Variants in SLC24A2 observed in about 807,000 individuals in gnomAD.
The protein encoded by SLC24A2 is solute carrier family 24 member 2, also known as sodium/potassium/calcium exchanger 2.
SLC24A2 carries 36 observed loss-of-function variants against 62.0 expected under a neutral mutation model. The ratio of observed to expected loss-of-function variants is 0.58; its 90% confidence interval spans 0.44 to 0.77. The LOEUF (loss-of-function observed/expected upper bound fraction) is 0.77, where lower values mean the gene tolerates loss of function less well. Ranked by LOEUF, SLC24A2 falls within the 30% of genes least tolerant of loss-of-function variation. SLC24A2 has a pLI of 0.00. For missense variants in SLC24A2, 846 were observed against 817.9 expected, an observed-to-expected ratio of 1.03 and a Z score of -0.42; for synonymous variants, 358 against 294.0, an observed-to-expected ratio of 1.22 and a Z score of -2.23.
the SLC24A2 span, among the ~76,000 whole-genome samples, chr9:19,823,947 G>A: frequency 1.3e-5 from 2 of 152,180 alleles, no homozygotes; most frequent in Non-Finnish European, 2.9e-5. Flanking sequence ...AATAAATGGT[G>A]CTGGGAAAAC....
chr9:19,696,009 A>C (rs1820180829), intron 2 of SLC24A2, among the ~76,000 whole-genome samples: 1 of 152,132 alleles, frequency 6.6e-6, no homozygotes, highest in Non-Finnish European at 1.5e-5. Context: ...GCCTGTTAAG[A>C]ACCAGGCTGC....
intron 2 of SLC24A2, among the ~76,000 whole-genome samples, chr9:19,749,196 T>A (rs1002673092): frequency 6.6e-6 from 1 of 151,646 alleles, no homozygotes; most frequent in Non-Finnish European, 1.5e-5. Flanking sequence ...TCCATATCTC[T>A]TGAATCCTCA....
At chr9:19,875,711 G>GAAAT in the SLC24A2 span, among the ~76,000 whole-genome samples, 1 of 152,210 alleles carries the variant, frequency 6.6e-6, no homozygotes, top group African/African-American at 2.4e-5. Flanking sequence ...ACTACAGTGA[G>GAAAT]AAATATAGTG....
intron 2 of SLC24A2, among the ~76,000 whole-genome samples, chr9:19,642,986 C>CTT (rs71335441): frequency 2.6e-4 from 33 of 125,294 alleles, no homozygotes; most frequent in African/African-American, 8.7e-4. Context: ...GGCCAGTATT[C>CTT]TTTTTTTTTT....
At chr9:19,936,437 C>A in the SLC24A2 span, among the ~76,000 whole-genome samples, 1 of 152,078 alleles carries the variant, frequency 6.6e-6, no homozygotes, top group Non-Finnish European at 1.5e-5. Flanking sequence ...CCATGCTTGG[C>A]TAATTTTTGT....
the SLC24A2 span, among the ~76,000 whole-genome samples, chr9:20,096,829 T>G: frequency 6.6e-6 from 1 of 152,352 alleles, no homozygotes; most frequent in Admixed American, 6.5e-5. Context: ...TGTTGTTTTG[T>G]TTCATTTTGT....
intron 2 of SLC24A2, among the ~76,000 whole-genome samples, chr9:19,770,372 A>G (rs954586167): frequency 6.6e-6 from 1 of 152,028 alleles, no homozygotes; most frequent in Non-Finnish European, 1.5e-5. Flanking sequence ...TGCTTTATTA[A>G]TCTCTCAAGA....
the SLC24A2 span, among the ~76,000 whole-genome samples, chr9:20,185,493 G>C: frequency 6.6e-6 from 1 of 151,818 alleles, no homozygotes; most frequent in East Asian, 1.9e-4. Flanking sequence ...GTGAAACCCC[G>C]TCTCTACTAA....
rs143991695 is a variant in SLC24A2, at chr9:19,622,919, A to G, written c.931-620T>C. Among the ~76,000 whole-genome samples the G allele has an allele frequency of 1.1e-4, 16 of 152,314 alleles. No homozygotes were observed. The East Asian group carries it at 3.1e-3, about 29-fold the overall frequency. On this transcript the variant is annotated intron_variant, in intron 2 of 10. Coordinates refer to ENST00000341998, the MANE Select transcript of SLC24A2 (RefSeq NM_020344.4). Reference sequence around the variant, plus strand: ...CTGCATTAAAGACTAGGATCATCCCATATGGAAATCAGATAACCCATCTTT... The same window carrying G: ...CTGCATTAAAGACTAGGATCATCCCGTATGGAAATCAGATAACCCATCTTT...
Position 19,632,450 on chromosome 9 carries a change from C to T in SLC24A2, c.931-10151G>A, listed in dbSNP as rs79513804. On this transcript the variant is annotated intron_variant, in intron 2 of 10. Transcript: ENST00000341998. This position sits in a 1 kb window ranked among gnomAD's most constrained non-coding sequence, Gnocchi z 4.5. ...AAAATAGCCCAAATCCTTGCTTTCA[C>T]GGAGTGTATATTCTAGCCTAGATCT... Among the ~76,000 whole-genome samples the T allele has an allele frequency of 2.0e-5, 3 of 152,132 alleles. No homozygotes were observed. Among genetic ancestry groups the T allele is most frequent in the Admixed American group, 6.5e-5 (1 of 15,288 alleles).
At chr9:20,205,355 A>T in the SLC24A2 span, among the ~76,000 whole-genome samples, 2 of 152,168 alleles carry the variant, frequency 1.3e-5, no homozygotes. Context: ...ACTTACATAA[A>T]AACTAAGGTT....
chr9:19,839,393 T>G, the SLC24A2 span, among the ~76,000 whole-genome samples: 3 of 152,188 alleles, frequency 2.0e-5, no homozygotes, highest in African/African-American at 7.2e-5. Flanking sequence ...TGATTTCTAT[T>G]AGGTGTAATG....
At chr9:20,189,091 T>TC in the SLC24A2 span, among the ~76,000 whole-genome samples, 15,562 of 131,774 alleles carry the variant, frequency 0.12, 1,822 homozygotes, top group East Asian at 0.62. Context: ...TTTTTTTTTT[T>TC]TCCCAGTTGA....
chr9:20,093,776 G>A, the SLC24A2 span, among the ~76,000 whole-genome samples: 31 of 152,222 alleles, frequency 2.0e-4, no homozygotes, highest in South Asian at 5.6e-3. Context: ...TGACAATGGT[G>A]AGAAATAATT....
chr9:20,281,267 C>G, the SLC24A2 span, among the ~76,000 whole-genome samples: 12 of 152,264 alleles, frequency 7.9e-5, no homozygotes, highest in African/African-American at 2.6e-4. Flanking sequence ...ACTACAACAG[C>G]ACTCTTTATC....
chr9:19,656,345 C>A (rs1324105075), intron 2 of SLC24A2, among the ~76,000 whole-genome samples: 2 of 152,176 alleles, frequency 1.3e-5, no homozygotes, highest in Admixed American at 1.3e-4. Flanking sequence ...ATCAGTCTGA[C>A]TTTATCCTCT....
chr9:19,701,283 T>C (rs942126904), intron 2 of SLC24A2, among the ~76,000 whole-genome samples: 2 of 152,220 alleles, frequency 1.3e-5, no homozygotes. Context: ...AATCCGCTAG[T>C]GCCCAGTCCA....
chr9:19,718,238 G>C (rs192450966), intron 2 of SLC24A2, among the ~76,000 whole-genome samples: 3 of 145,534 alleles, frequency 2.1e-5, no homozygotes, highest in Admixed American at 1.4e-4. Context: ...GCCTCCCAAA[G>C]TGCTGGGATT....
chr9:20,143,534 T>C, the SLC24A2 span, among the ~76,000 whole-genome samples: 1 of 152,198 alleles, frequency 6.6e-6, no homozygotes, highest in Non-Finnish European at 1.5e-5. Flanking sequence ...GAAAAAACTA[T>C]AAGCTTCCAT....
Sources: allele counts gnomAD v4.1 joint callset (sites outside exome capture counted in the v4.1 genomes callset), GRCh38; gene constraint gnomAD v4.1.1; non-coding constraint Gnocchi (gnomAD v3.1); transcripts MANE v1.5; gene names NCBI Gene and HGNC (gene_info 2026-07-23, HGNC 2026-07-21).